SRSF3: variants seen among roughly 807,000 people sequenced by gnomAD.
SRSF3 encodes serine/arginine-rich splicing factor 3.
For synonymous variants in SRSF3, 87 were observed against 73.6 expected (o/e 1.18, Z -0.93); for missense variants, 58 against 217.1 (o/e 0.27, Z 4.61).
In SRSF3 at chr6:36,603,616, A is replaced by C. The variant is rs1056472724; in HGVS notation, c.*1627A>C. 1.3e-5 allele frequency: 3 copies of C among 229,256 alleles called. No individual in the cohort carries two copies. The highest frequency in any genetic ancestry group is 2.2e-5 in the African/African-American group (1 of 45,138). 14.2% of individuals were successfully genotyped at this position (229,256 alleles called of 1,614,324 possible). Reference sequence around the variant, plus strand: ...CACAAATCTTGGGAGAATTGGTGTCAGGAAGGTTCAGCCTTAAAGTTAAGC... The same window carrying C: ...CACAAATCTTGGGAGAATTGGTGTCCGGAAGGTTCAGCCTTAAAGTTAAGC... On this transcript the variant is annotated 3_prime_UTR_variant, in exon 6 of 6. Coordinates refer to ENST00000373715, the MANE Select transcript of SRSF3 (RefSeq NM_003017.5).
At position 36,602,704 on chromosome 6, in the gene SRSF3, A is replaced by AT. The variant is rs1006615225; in HGVS notation, c.*724dup. 6.0e-4 allele frequency: 126 copies of AT among 210,332 alleles called. No individual in the cohort carries two copies. Among genetic ancestry groups the AT allele is most frequent in the Non-Finnish European group, 7.9e-4 (82 of 103,590 alleles). 13.0% of individuals were successfully genotyped at this position (210,332 alleles called of 1,614,324 possible). On this transcript the variant is annotated 3_prime_UTR_variant, in exon 6 of 6. Transcript: ENST00000373715. ...GCCGAACTTTGAGTTACTGTGCAAG[A>AT]TTTTTTTTTCATGCTGTCATTTGTA...
At chr6:36,600,992 CTTTTTTTTCTTTTTTTTTTTTTT>C (rs1778702612) in intron 3 of SRSF3, 137 bp from the exon 4 acceptor site, 3 of 338,966 alleles carry the variant, frequency 8.9e-6, no homozygotes, top group Non-Finnish European at 1.4e-5. Flanking sequence ...TTTTTCTTTT[CTTTTTTTTCTTTTTTTTTTTTTT>C]TTTTTTTTTT....
At position 36,598,608 on chromosome 6, in the gene SRSF3, T is replaced by A. The variant is rs866195468; in HGVS notation, c.207-241T>A. ...CACGTTGGCCAAGATAGTGTCGAAC[T>A]CTTGACCTTGTGATCCGCCTGCCTC... On this transcript the variant is annotated intron_variant, in intron 2 of 5. Coordinates refer to ENST00000373715, the MANE Select transcript of SRSF3 (RefSeq NM_003017.5). 52 of 430,634 alleles carry A rather than the reference T, an allele frequency of 1.2e-4. 1 individual carries two copies. The Middle Eastern group carries it at 3.3e-3, about 27-fold the overall frequency. The allele number at this position is 430,634 out of a possible 1,614,324, so 26.7% of individuals were successfully genotyped here.
chr6:36,597,111 T>C (rs1778642975), intron 2 of SRSF3, 143 bp downstream of exon 2: 1 of 741,418 alleles, frequency 1.3e-6, no homozygotes. Flanking sequence ...TTTTTTTTTT[T>C]TTTTTTTGGT....
intron 3 of SRSF3, 141 bp from the exon 4 acceptor site, chr6:36,601,011 T>TTTTTTTTC: frequency 3.2e-6 from 1 of 308,110 alleles, no homozygotes; most frequent in East Asian, 6.1e-5. Flanking sequence ...CTTTTTTTTT[T>TTTTTTTTC]TTTTTTTTTT....
chr6:36,596,017 C>A (rs1217905969), intron 1 of SRSF3, among the ~76,000 whole-genome samples: 3 of 151,972 alleles, frequency 2.0e-5, no homozygotes, highest in Non-Finnish European at 4.4e-5. Flanking sequence ...CTCCGCCTCG[C>A]GGGTTCAAGC....
chr6:36,597,139 ACT>A, intron 2 of SRSF3, 171 bp downstream of exon 2: 1 of 607,556 alleles, frequency 1.6e-6, no homozygotes. Flanking sequence ...CGAGTCTTGC[ACT>A]GTCACTGGGC....
At chr6:36,596,027 C>G (rs12664831) in intron 1 of SRSF3, among the ~76,000 whole-genome samples, 2,011 of 151,884 alleles carry the variant, frequency 0.013, 28 homozygotes, top group Middle Eastern at 0.027. Flanking sequence ...CGGGTTCAAG[C>G]GATTGTTCTG....
chr6:36,601,920 C>T, intron 5 of SRSF3, 42 bp from the exon 6 acceptor site: 1 of 1,569,766 alleles, frequency 6.4e-7, no homozygotes, highest in Non-Finnish European at 8.6e-7. Context: ...CACCAAGTTA[C>T]AGATGTAATG....
Position 36,596,581 on chromosome 6 carries a change from GGGGA to G in SRSF3, c.-2-179_-2-176del, listed in dbSNP as rs1186339419. Among the ~76,000 whole-genome samples the G allele has an allele frequency of 7.5e-4, 108 of 143,878 alleles. 5 individuals are homozygous for G. Among genetic ancestry groups the G allele is most frequent in the African/African-American group, 2.4e-3 (91 of 38,124 alleles). The allele number at this position is 143,878 out of a possible 152,430, so 94.4% of individuals were successfully genotyped here. A position where few individuals can be genotyped will look rare whatever the true frequency, so the allele number is the denominator to read the frequency against. ...GATAATGGGGCGGGGTGGCGGGGGGGGGGAAATGGGTGCTTAGCAGTAACATTTC... is the reference window on the plus strand; with the variant it reads ...GATAATGGGGCGGGGTGGCGGGGGGGAATGGGTGCTTAGCAGTAACATTTC... On this transcript the variant is annotated intron_variant, in intron 1 of 5. Transcript: ENST00000373715.
Position 36,598,844 on chromosome 6 carries a change from C to T in SRSF3, c.207-5C>T. The T allele has an allele frequency of 3.7e-6, 6 of 1,612,312 alleles. No individual in the cohort carries two copies. The highest frequency in any genetic ancestry group is 3.4e-6 in the Non-Finnish European group (4 of 1,179,766). Reference sequence around the variant, plus strand: ...GTTTTAAGTTTAATATCTTTGCCCCCTCAGAACACTATGTGGCTGCCGTGT... The same window carrying T: ...GTTTTAAGTTTAATATCTTTGCCCCTTCAGAACACTATGTGGCTGCCGTGT... On this transcript the variant is annotated splice_region_variant and splice_polypyrimidine_tract_variant and intron_variant, in intron 2 of 5. Transcript: ENST00000373715.
chr6:36,599,240 C>T (rs1009887868), intron 3 of SRSF3, among the ~76,000 whole-genome samples: 4 of 152,160 alleles, frequency 2.6e-5, no homozygotes, highest in Non-Finnish European at 5.9e-5. Flanking sequence ...TTGCATCTTT[C>T]CAAATCTTCC....
At chr6:36,596,574 C>CGGGGGGGGGGGGGGGG (rs34650091) in intron 1 of SRSF3, among the ~76,000 whole-genome samples, 187 bp from the exon 2 acceptor site, 5 of 91,952 alleles carry the variant, frequency 5.4e-5, no homozygotes, top group Non-Finnish European at 8.2e-5. Flanking sequence ...GGCGGGGTGG[C>CGGGGGGGGGGGGGGGG]GGGGGGGGGG....
At chr6:36,595,616 A>G (rs1778614086) in intron 1 of SRSF3, among the ~76,000 whole-genome samples, 1 of 152,158 alleles carries the variant, frequency 6.6e-6, no homozygotes, top group South Asian at 2.1e-4. Flanking sequence ...GGCTTCTTTA[A>G]CTTAGCGTAA....
chr6:36,598,882 G>C lies in SRSF3; in HGVS notation c.240G>C (p.Leu80=). The stretch of plus-strand genomic sequence containing the variant: ...GTGGCTGCCGTGTAAGAGTGGAACT[G>C]TCGAATGGTGAAAAAAGAAGTAGAA... ...TLCGCRVRVE[L]SNGEKRSRNR... The change falls in exon 3 of 6, where the codon CTG becomes CTC. Residue 80 remains leucine (L), a synonymous_variant. Coordinates refer to ENST00000373715, the MANE Select transcript of SRSF3 (RefSeq NM_003017.5). 1 of 1,613,684 alleles carries C rather than the reference G, an allele frequency of 6.2e-7. No homozygotes were observed. Among genetic ancestry groups the C allele is most frequent in the South Asian group, 1.1e-5 (1 of 91,062 alleles).
At chr6:36,601,935 GTTTTC>G (rs1554181322) in intron 5 of SRSF3, 22 bp from the exon 6 acceptor site, 45 of 1,319,010 alleles carry the variant, frequency 3.4e-5, no homozygotes, top group East Asian at 2.8e-4. Flanking sequence ...GTAATGTTTT[GTTTTC>G]TTTTTTTTTT....
In SRSF3 at chr6:36,598,852, A is replaced by G. The variant is rs75817175; in HGVS notation, c.210A>G (p.Thr70=). The G allele has an allele frequency of 4.4e-5, 71 of 1,612,722 alleles. No individual in the cohort carries two copies. The East Asian group carries it at 1.5e-3, about 34-fold the overall frequency. The change falls in exon 3 of 6, where the codon ACA becomes ACG. Residue 70 remains threonine, a synonymous_variant. Transcript: ENST00000373715. Reference sequence around the variant, plus strand: ...TTTAATATCTTTGCCCCCTCAGAACACTATGTGGCTGCCGTGTAAGAGTGG... The same window carrying G: ...TTTAATATCTTTGCCCCCTCAGAACGCTATGTGGCTGCCGTGTAAGAGTGG... ...ADAVRELDGR[T]LCGCRVRVEL... is the part of the protein sequence containing the mutation.
At chr6:36,599,674 T>C in intron 3 of SRSF3, 1 of 582,748 alleles carries the variant, frequency 1.7e-6, no homozygotes, top group Non-Finnish European at 2.8e-6. Flanking sequence ...ATCTTGCCCC[T>C]TTTGCTATTT....
At chr6:36,596,529 G>T (rs1290430288) in intron 1 of SRSF3, among the ~76,000 whole-genome samples, 4 of 144,364 alleles carry the variant, frequency 2.8e-5, no homozygotes, top group Non-Finnish European at 6.0e-5. Context: ...TTCACTAATT[G>T]CTGGCTTCCT....
Sources: gnomAD v4.1 joint callset for allele counts (sites outside exome capture counted in the v4.1 genomes callset) on GRCh38, gnomAD v4.1.1 for gene constraint, MANE v1.5 for transcripts, NCBI Gene and HGNC (gene_info 2026-07-23, HGNC 2026-07-21) for gene names.